AKNAD1: variants seen among roughly 807,000 people sequenced by gnomAD.
AKNAD1 encodes the protein protein AKNAD1.
A neutral mutation model predicts 90.8 loss-of-function variants in AKNAD1; 67 were observed. The observed-to-expected ratio is 0.74, with a 90% confidence interval of 0.61 to 0.90. The LOEUF is 0.90. AKNAD1 is among the 40% of genes least tolerant of loss of function. The pLI is 0.00. For synonymous variants in AKNAD1, 327 were observed against 341.4 expected (o/e 0.96, Z 0.46); for missense variants, 957 against 975.4 (o/e 0.98, Z 0.25).
At chr1:108,830,425 G>T (rs1170854644) in intron 10 of AKNAD1, 134 bp downstream of exon 10, 9 of 776,848 alleles carry the variant, frequency 1.2e-5, no homozygotes, top group Non-Finnish European at 1.9e-5. Flanking sequence ...GCTGGGCTCT[G>T]TGCCCAGGCC....
In AKNAD1 at chr1:108,851,869, G is replaced by A. The variant is rs529467122; in HGVS notation, c.796C>T (p.Pro266Ser). The stretch of plus-strand genomic sequence containing the variant: ...TTATTTTTAGGAATTTTCACTTTGG[G>A]AGCAATCTTAGAGAAATCAGGGAGC... ...YQLPDFSKIAPKVKIPKNKII... is the reference protein window; with the variant it reads ...YQLPDFSKIASKVKIPKNKII... Residue 266 changes from proline to serine, a missense_variant, in exon 2 of 16, where the codon CCC becomes TCC. Coordinates refer to ENST00000370001, the MANE Select transcript of AKNAD1 (RefSeq NM_152763.5). 5.6e-6 allele frequency: 9 copies of A among 1,613,566 alleles called. No individual in the cohort carries two copies. The South Asian group carries it at 6.6e-5, about 12-fold the overall frequency.
intron 14 of AKNAD1, among the ~76,000 whole-genome samples, chr1:108,820,184 G>A (rs1187405695): frequency 1.3e-5 from 2 of 152,078 alleles, no homozygotes; most frequent in African/African-American, 4.8e-5. Context: ...TTGCTAGTTC[G>A]TTCATACTTA....
In AKNAD1 at chr1:108,820,533, A is replaced by C. The variant is rs369565770; in HGVS notation, c.2249+12T>G. On this transcript the variant is annotated intron_variant, in intron 14 of 15. Coordinates refer to ENST00000370001, the MANE Select transcript of AKNAD1 (RefSeq NM_152763.5). ...AGAAATATTTTGTTACTGATAATGA[A>C]ATAATACTTACTTTCCTGGTGTGGG... 2.6e-6 allele frequency: 4 copies of C among 1,556,586 alleles called. No individual in the cohort carries two copies. Among genetic ancestry groups the C allele is most frequent in the African/African-American group, 1.4e-5 (1 of 73,640 alleles).
rs7544012 is a variant in AKNAD1 at position 108,839,865 on chromosome 1, A to T, written c.1380-2159T>A. Among the ~76,000 whole-genome samples, 846 of 152,108 alleles carry T rather than the reference A, an allele frequency of 5.6e-3. 10 individuals carry two copies. The highest frequency in any genetic ancestry group is 0.019 in the African/African-American group (788 of 41,464). On this transcript the variant is annotated intron_variant, in intron 6 of 15. Transcript: ENST00000370001. ...GGGAGACCATGTCTCTACAAAAAAAATTTTTTTTAATTAGCTGGGAGTGGT... is the reference window on the plus strand; with the variant it reads ...GGGAGACCATGTCTCTACAAAAAAATTTTTTTTTAATTAGCTGGGAGTGGT...
chr1:108,828,043 G>A (rs971335756), intron 10 of AKNAD1, among the ~76,000 whole-genome samples: 4 of 151,352 alleles, frequency 2.6e-5, no homozygotes, highest in Non-Finnish European at 4.4e-5. Context: ...CTTGAGACTA[G>A]GAGTTCAAGG....
chr1:108,837,211 G>A lies in AKNAD1; in HGVS notation c.1536+339C>T, dbSNP rs58339200. On this transcript the variant is annotated intron_variant, in intron 7 of 15. Transcript: ENST00000370001. ...TCGTGCTACCACACTCCAGCCTGGT[G>A]AGTACAAAACTATGAAGAAAAAAAA... The A allele has an allele frequency of 2.8e-3, 519 of 182,212 alleles. 3 individuals carry two copies. Among genetic ancestry groups the A allele is most frequent in the African/African-American group, 0.011 (482 of 42,232 alleles). 11.3% of individuals were successfully genotyped at this position (182,212 alleles called of 1,614,324 possible).
intron 8 of AKNAD1, among the ~76,000 whole-genome samples, 163 bp from the exon 9 acceptor site, chr1:108,834,691 C>T (rs1664325266): frequency 6.6e-6 from 1 of 152,152 alleles, no homozygotes; most frequent in East Asian, 1.9e-4. Context: ...TGACCTTCAC[C>T]TCTCCCCGCG....
chr1:108,828,195 G>T (rs1261859887), intron 10 of AKNAD1, among the ~76,000 whole-genome samples: 2 of 151,764 alleles, frequency 1.3e-5, no homozygotes, highest in African/African-American at 4.8e-5. Context: ...AGTACAAGCT[G>T]ATTACATCCA....
At chr1:108,848,871 T>C (rs759430967) in intron 4 of AKNAD1, 41 bp downstream of exon 4, 60 of 1,599,718 alleles carry the variant, frequency 3.8e-5, no homozygotes, top group Non-Finnish European at 4.2e-5. Context: ...TGTGTGAATT[T>C]GGTTACTTAT....
At chr1:108,824,177 TA>T (rs1453376316) in intron 11 of AKNAD1, among the ~76,000 whole-genome samples, 22 of 152,218 alleles carry the variant, frequency 1.4e-4, no homozygotes, top group Admixed American at 1.4e-3. Context: ...TTTGCTCTCT[TA>T]GCCTCAAAGA....
At chr1:108,850,490 T>A (rs1336028199) in intron 2 of AKNAD1, among the ~76,000 whole-genome samples, 2 of 152,048 alleles carry the variant, frequency 1.3e-5, no homozygotes, top group Non-Finnish European at 2.9e-5. Context: ...CACGGGGGTG[T>A]AGGTTTCTCT....
chr1:108,819,913 T>C (rs1293472137), intron 14 of AKNAD1, among the ~76,000 whole-genome samples: 1 of 62,440 alleles, frequency 1.6e-5, no homozygotes, highest in Non-Finnish European at 3.1e-5. Context: ...AAAAATGAAT[T>C]AACAGCAAAA....
chr1:108,851,443 TGC>T (rs1279104282), intron 2 of AKNAD1, among the ~76,000 whole-genome samples: 1 of 152,128 alleles, frequency 6.6e-6, no homozygotes, highest in Admixed American at 6.5e-5. Flanking sequence ...AATTCCGGCT[TGC>T]GGAATTTGGA....
chr1:108,852,451 G>A lies in AKNAD1; in HGVS notation c.214C>T (p.Pro72Ser), dbSNP rs762825848. 8 of 1,613,750 alleles carry A rather than the reference G, an allele frequency of 5.0e-6. No homozygotes were observed. The Admixed American group carries it at 6.7e-5, about 13-fold the overall frequency. ...GCATTTTCAGTAATTTTACCCAGGG[G>A]TATGGTCACAGCTGTATTTCCACAA... The part of the protein sequence containing the change: ...ETCGNTAVTI[P>S]LGKITENAAN... Residue 72 changes from proline to serine, a missense_variant, in exon 2 of 16, where the codon CCC (proline) becomes TCC (serine). Physicochemically the swap from Pro to Ser is moderately conservative, Grantham distance 74. Transcript: ENST00000370001.
In AKNAD1 at chr1:108,846,178, C is replaced by T. The variant is rs183297679; in HGVS notation, c.1245+2574G>A. On this transcript the variant is annotated intron_variant, in intron 5 of 15. Transcript: ENST00000370001. Reference sequence around the variant, plus strand: ...CTGTGTAGTGCTGCTCAGGCTGAGGCGGTTGCTTGTAGCCCTGTCTGGCTT... The same window carrying T: ...CTGTGTAGTGCTGCTCAGGCTGAGGTGGTTGCTTGTAGCCCTGTCTGGCTT... 2.9e-3 allele frequency among the ~76,000 whole-genome samples: 437 copies of T among 152,182 alleles called. 8 individuals carry two copies. The highest frequency in any genetic ancestry group is 8.2e-4 in the Non-Finnish European group (56 of 67,990).
intron 2 of AKNAD1, among the ~76,000 whole-genome samples, chr1:108,850,085 A>T (rs1171287335): frequency 1.3e-5 from 2 of 152,214 alleles, no homozygotes; most frequent in African/African-American, 4.8e-5. Flanking sequence ...AGGATGCATT[A>T]AGTTCCAAAC....
chr1:108,838,394 A>G (rs1664445158), intron 6 of AKNAD1, among the ~76,000 whole-genome samples: 2 of 152,064 alleles, frequency 1.3e-5, no homozygotes, highest in Non-Finnish European at 2.9e-5. Flanking sequence ...TAGGAAATAA[A>G]AATGAATGTT....
intron 6 of AKNAD1, among the ~76,000 whole-genome samples, chr1:108,841,216 A>C (rs1473128234): frequency 6.6e-6 from 1 of 151,886 alleles, no homozygotes; most frequent in Non-Finnish European, 1.5e-5. Flanking sequence ...TAATAAAAGA[A>C]ATAAAATGAT....
intron 7 of AKNAD1, among the ~76,000 whole-genome samples, chr1:108,835,904 G>A (rs570164500): frequency 3.2e-4 from 49 of 152,252 alleles, no homozygotes; most frequent in African/African-American, 1.1e-3. Flanking sequence ...AATTACAGGC[G>A]TGAGCCACCG....
Sources: allele counts gnomAD v4.1 joint callset (sites outside exome capture counted in the v4.1 genomes callset), GRCh38; gene constraint gnomAD v4.1.1; transcripts MANE v1.5; gene names NCBI Gene and HGNC (gene_info 2026-07-23, HGNC 2026-07-21).